Variants in FGF20 observed in about 807,000 individuals in gnomAD.
FGF20 encodes the protein fibroblast growth factor 20.
In FGF20, 8 loss-of-function variants were observed where a neutral mutation model predicts 16.7. The ratio of observed to expected loss-of-function variants is 0.48; its 90% CI spans 0.28 to 0.87. The LOEUF (loss-of-function observed/expected upper bound fraction) is 0.87. Among genes scored for constraint, FGF20 ranks in the 40% least tolerant of loss-of-function variants. FGF20 has a pLI of 0.10. For synonymous variants in FGF20, 161 were observed against 118.6 expected (o/e 1.36, Z -2.32); for missense variants, 397 against 281.4 (o/e 1.41, Z -2.94).
In FGF20 at chr8:17,001,892, G is replaced by T. The variant is rs112761348; in HGVS notation, c.141C>A (p.Ser47Arg). 17 of 1,439,666 alleles carry T rather than the reference G, an allele frequency of 1.2e-5. No homozygotes were observed. Among genetic ancestry groups the T allele is most frequent in the African/African-American group, 3.0e-5 (2 of 66,614 alleles). 89.2% of individuals were successfully genotyped at this position (1,439,666 alleles called of 1,614,324 possible). The change falls in exon 1 of 3, where the codon AGC becomes AGA. Residue 47 changes from serine (S) to arginine (R), a missense_variant. Physicochemically the swap from Ser to Arg is moderately radical, Grantham distance 110. Transcript: ENST00000180166. ...GCGCAGCCCCCGGCCCGCCGCGCGC[G>T]CTCCGCTCCGCCGCGCTCCTGCGCT... ...LGERRSAAER[S>R]ARGGPGAAQL...
chr8:16,997,821 C>A (rs1810090145), intron 1 of FGF20, among the ~76,000 whole-genome samples: 1 of 151,916 alleles, frequency 6.6e-6, no homozygotes, highest in South Asian at 2.1e-4. Context: ...AAACATAGGC[C>A]CAAAACATAA....
At chr8:16,996,962 C>T (rs1220136631) in intron 1 of FGF20, among the ~76,000 whole-genome samples, 1 of 152,118 alleles carries the variant, frequency 6.6e-6, no homozygotes, top group Non-Finnish European at 1.5e-5. Flanking sequence ...ATGTTTCCTG[C>T]TGTGTAATTT....
intron 2 of FGF20, among the ~76,000 whole-genome samples, chr8:16,994,072 A>G (rs1322553343): frequency 6.6e-6 from 1 of 152,126 alleles, no homozygotes; most frequent in East Asian, 1.9e-4. Flanking sequence ...TTTCAGTCAA[A>G]TGTCAGTTCC....
chr8:16,994,979 T>C (rs554245312), intron 2 of FGF20, among the ~76,000 whole-genome samples: 3 of 152,056 alleles, frequency 2.0e-5, no homozygotes, highest in Non-Finnish European at 4.4e-5. Context: ...AGATTTGTTC[T>C]AAAAACAAAA....
intron 2 of FGF20, 59 bp from the exon 3 acceptor site, chr8:16,993,376 A>G (rs746101228): frequency 7.0e-7 from 1 of 1,427,386 alleles, no homozygotes; most frequent in Admixed American, 2.2e-5. Context: ...TAATTTCCTT[A>G]CAAGTTTCAA....
chr8:16,994,804 G>T (rs7008948), intron 2 of FGF20, among the ~76,000 whole-genome samples: 7,614 of 152,180 alleles, frequency 0.05, 569 homozygotes, highest in African/African-American at 0.17. Context: ...ATAAGAAGAG[G>T]AGTGGGATAC....
Position 16,998,822 on chromosome 8 carries a change from A to C in FGF20, c.286+2925T>G, listed in dbSNP as rs1170237563. ...AGGTAAGCTGTTCCTGCTGTGTACTACTGTGTAGGAAAACTCCATCATAAA... is the reference window on the plus strand; with the variant it reads ...AGGTAAGCTGTTCCTGCTGTGTACTCCTGTGTAGGAAAACTCCATCATAAA... On this transcript the variant is annotated intron_variant, in intron 1 of 2. Coordinates refer to ENST00000180166, the MANE Select transcript of FGF20 (RefSeq NM_019851.3). Among the ~76,000 whole-genome samples the C allele has an allele frequency of 3.3e-5, 5 of 152,016 alleles. No homozygotes were observed. In the East Asian group the frequency reaches 9.6e-4, roughly 29 times the overall value.
chr8:16,999,831 G>A (rs540860214), intron 1 of FGF20, among the ~76,000 whole-genome samples: 2 of 151,580 alleles, frequency 1.3e-5, no homozygotes, highest in Middle Eastern at 3.4e-3. Context: ...GAGCCACTGC[G>A]CCCAGCCCCA....
chr8:17,000,060 C>G (rs1335841704), intron 1 of FGF20, among the ~76,000 whole-genome samples: 1 of 152,258 alleles, frequency 6.6e-6, no homozygotes, highest in East Asian at 1.9e-4. Context: ...CAGCAAAGTT[C>G]TTCAGAATCG....
chr8:16,999,426 T>C (rs1810130695), intron 1 of FGF20, among the ~76,000 whole-genome samples: 1 of 151,356 alleles, frequency 6.6e-6, no homozygotes, highest in East Asian at 1.9e-4. Flanking sequence ...TACTAATCTC[T>C]CCCCATAGGG....
Position 16,995,651 on chromosome 8 carries a change from G to A in FGF20, c.390+4C>T, listed in dbSNP as rs373813503. On this transcript the variant is annotated splice_donor_region_variant and intron_variant, in intron 2 of 2. Transcript: ENST00000180166. ...TAATAATAAAAAATAAAAATAATAC[G>A]TACTGATCCATAGAGTTCTCCTTTG... is the stretch of plus-strand genomic sequence containing the variant. The A allele has an allele frequency of 3.0e-5, 41 of 1,355,424 alleles. No individual in the cohort carries two copies. The highest frequency in any genetic ancestry group is 2.0e-4 in the African/African-American group (14 of 68,756). The allele number at this position is 1,355,424 out of a possible 1,614,324, so 84.0% of individuals were successfully genotyped here.
At chr8:16,993,921 A>G (rs1398430230) in intron 2 of FGF20, among the ~76,000 whole-genome samples, 1 of 152,160 alleles carries the variant, frequency 6.6e-6, no homozygotes, top group Non-Finnish European at 1.5e-5. Context: ...AATGTGAGCA[A>G]TGGAGAGCAG....
In FGF20 at chr8:16,996,115, T is replaced by TTCAATC. The variant is rs1463425367; in HGVS notation, c.287-363_287-358dup. 2.6e-5 allele frequency among the ~76,000 whole-genome samples: 4 copies of TTCAATC among 152,074 alleles called. No individual in the cohort carries two copies. The East Asian group carries it at 7.7e-4, about 29-fold the overall frequency. The stretch of plus-strand genomic sequence containing the variant: ...CCTGTAATGGGGTGGTAGCCTGGGA[T>TTCAATC]TCAATCTGTGAGATGGGGGCCTGTT... On this transcript the variant is annotated intron_variant, in intron 1 of 2. Coordinates refer to ENST00000180166, the MANE Select transcript of FGF20 (RefSeq NM_019851.3).
In FGF20 at chr8:16,993,216, C is replaced by T. The variant is rs767120553; in HGVS notation, c.492G>A (p.Arg164=). 2 of 1,614,094 alleles carry T rather than the reference C, an allele frequency of 1.2e-6. No homozygotes were observed. The highest frequency in any genetic ancestry group is 8.5e-7 in the Non-Finnish European group (1 of 1,179,998). Residue 164 remains arginine, a synonymous_variant, in exon 3 of 3, where the codon AGG becomes AGA. Coordinates refer to ENST00000180166, the MANE Select transcript of FGF20 (RefSeq NM_019851.3). ...CGTCTTTGTTAAGTGCCACAAAATACCTGCGGCCAGTGTCTCCATGTTTAT... is the reference window on the plus strand; with the variant it reads ...CGTCTTTGTTAAGTGCCACAAAATATCTGCGGCCAGTGTCTCCATGTTTAT... The part of the protein sequence containing the change: ...NIYKHGDTGR[R]YFVALNKDGT...
At chr8:16,998,719 G>C (rs1810113953) in intron 1 of FGF20, among the ~76,000 whole-genome samples, 1 of 151,636 alleles carries the variant, frequency 6.6e-6, no homozygotes, top group East Asian at 1.9e-4. Context: ...GGAGAATAAA[G>C]GAAAAGCCTT....
At chr8:16,997,010 C>G (rs1563233289) in intron 1 of FGF20, among the ~76,000 whole-genome samples, 1 of 152,244 alleles carries the variant, frequency 6.6e-6, no homozygotes, top group East Asian at 1.9e-4. Context: ...AGAAAAAGGA[C>G]TTTATAATTC....
In FGF20 at chr8:16,995,764, T is replaced by C; in HGVS notation, c.287-6A>G. ...ACTGATGAATTCCAAGATACCTGCA[T>C]ATGTAAACAATTCATAAAAACACCA... is the stretch of plus-strand genomic sequence containing the variant. On this transcript the variant is annotated splice_polypyrimidine_tract_variant and splice_region_variant and intron_variant, in intron 1 of 2. Coordinates refer to ENST00000180166, the MANE Select transcript of FGF20 (RefSeq NM_019851.3). The C allele has an allele frequency of 1.3e-6, 2 of 1,508,096 alleles. No individual in the cohort carries two copies. 93.4% of individuals were successfully genotyped at this position (1,508,096 alleles called of 1,614,324 possible).
intron 1 of FGF20, among the ~76,000 whole-genome samples, chr8:16,999,087 T>C (rs1306646425): frequency 1.3e-5 from 2 of 152,122 alleles, no homozygotes; most frequent in African/African-American, 4.8e-5. Context: ...TTACCCGCAC[T>C]CTCTTAAAGT....
intron 2 of FGF20, among the ~76,000 whole-genome samples, chr8:16,994,187 T>A (rs1157503355): frequency 1.3e-5 from 2 of 152,314 alleles, no homozygotes; most frequent in African/African-American, 2.4e-5. Context: ...GTTTATCTTT[T>A]TCCATCGTTA....
Sources: allele counts gnomAD v4.1 joint callset (sites outside exome capture counted in the v4.1 genomes callset), GRCh38; gene constraint gnomAD v4.1.1; transcripts MANE v1.5; gene names NCBI Gene and HGNC (gene_info 2026-07-23, HGNC 2026-07-21).